The following RTKN2 variants were observed in gnomAD, a reference collection of about 807,000 sequenced individuals.
RTKN2 encodes rhotekin 2.
Under a neutral mutation model 71.5 loss-of-function variants are expected in RTKN2, and 69 were observed. The observed-to-expected ratio is 0.96, with a 90% CI of 0.79 to 1.18. RTKN2 has a LOEUF of 1.18. RTKN2 is among the 50% of genes most tolerant of loss of function. The pLI, the probability that RTKN2 is intolerant of heterozygous loss-of-function variation, is 0.00. For missense variants in RTKN2, 724 were observed against 719.7 expected (o/e 1.01, Z -0.07); for synonymous variants, 236 against 236.5 (o/e 1.00, Z 0.02).
intron 2 of RTKN2, among the ~76,000 whole-genome samples, chr10:62,247,439 A>AT (rs1842499938): frequency 6.6e-6 from 1 of 151,994 alleles, no homozygotes; most frequent in African/African-American, 2.4e-5. Context: ...ATAATGCAGT[A>AT]TATTTAAAGC....
At chr10:62,260,751 C>A (rs532110454) in intron 2 of RTKN2, among the ~76,000 whole-genome samples, 1 of 152,292 alleles carries the variant, frequency 6.6e-6, no homozygotes, top group African/African-American at 2.4e-5. Context: ...ACAGTCAATT[C>A]ATAACTCATT....
chr10:62,247,479 T>C (rs1842500546), intron 2 of RTKN2, among the ~76,000 whole-genome samples: 1 of 152,006 alleles, frequency 6.6e-6, no homozygotes, highest in African/African-American at 2.4e-5. Context: ...ACCTAATTAC[T>C]TTATGGCCAT....
At position 62,231,224 on chromosome 10, in the gene RTKN2, C is replaced by G. The variant is rs111450958; in HGVS notation, c.686+4842G>C. Among the ~76,000 whole-genome samples the G allele has an allele frequency of 2.0e-5, 3 of 152,140 alleles. No homozygotes were observed. In the East Asian group the frequency reaches 5.8e-4, roughly 29 times the overall value. ...ATGCTGAATTTTACCAGTTTTCACA[C>G]GATGATTGCTTAAAATGATGTATAT... On this transcript the variant is annotated intron_variant, in intron 6 of 11. Transcript: ENST00000373789.
Position 62,196,840 on chromosome 10 carries a change from T to C in RTKN2, c.*1068A>G. On this transcript the variant is annotated 3_prime_UTR_variant, in exon 12 of 12. Coordinates refer to ENST00000373789, the MANE Select transcript of RTKN2 (RefSeq NM_145307.4). Reference sequence around the variant, plus strand: ...GGATTTTTTGTTCCTTTAAGGTATTTTTCTGCTATTTATTCCTCACTTGAC... The same window carrying C: ...GGATTTTTTGTTCCTTTAAGGTATTCTTCTGCTATTTATTCCTCACTTGAC... The C allele has an allele frequency of 1.0e-6, 1 of 979,498 alleles. No individual in the cohort carries two copies. The highest frequency in any genetic ancestry group is 1.2e-6 in the Non-Finnish European group (1 of 824,642). 60.7% of individuals were successfully genotyped at this position (979,498 alleles called of 1,614,324 possible). A position where few individuals can be genotyped will look rare whatever the true frequency, so the allele number is the denominator to read the frequency against.
At chr10:62,206,523 G>A (rs1200484740) in intron 9 of RTKN2, among the ~76,000 whole-genome samples, 1 of 151,972 alleles carries the variant, frequency 6.6e-6, no homozygotes, top group Non-Finnish European at 1.5e-5. Flanking sequence ...AAACACCGCA[G>A]GGGAAAAATG....
At chr10:62,201,633 G>C (rs1180939127) in intron 10 of RTKN2, among the ~76,000 whole-genome samples, 2 of 152,146 alleles carry the variant, frequency 1.3e-5, no homozygotes, top group African/African-American at 4.8e-5. Context: ...ACACTTTTCT[G>C]TCACATTCTT....
At position 62,199,833 on chromosome 10, in the gene RTKN2, A is replaced by G. The variant is rs781412513; in HGVS notation, c.1215T>C (p.Leu405=). ...GTGGTGACATAATCTCAATTTTCAT[A>G]AGTTCTTCACAACAGTGCTTCCATT... ...LSQWKHCCEE[L]MKIEIMSPRK... The change falls in exon 11 of 12, where the codon CTT becomes CTC. Residue 405 remains leucine (L), a synonymous_variant. Transcript: ENST00000373789. 6.2e-7 allele frequency: 1 copy of G among 1,613,372 alleles called. No individual in the cohort carries two copies. The highest frequency in any genetic ancestry group is 1.1e-5 in the South Asian group (1 of 91,048).
At chr10:62,268,523 C>G (rs1370900313) in intron 1 of RTKN2, 28 bp downstream of exon 1, 4 of 1,549,482 alleles carry the variant, frequency 2.6e-6, no homozygotes, top group Non-Finnish European at 3.5e-6. Context: ...CCCTCACCTT[C>G]CGCGGCAGGG....
chr10:62,250,031 T>G (rs1029853913), intron 2 of RTKN2, among the ~76,000 whole-genome samples: 2 of 152,174 alleles, frequency 1.3e-5, no homozygotes, highest in Non-Finnish European at 1.5e-5. Context: ...ACCAACAGCA[T>G]AGCTAGAAAA....
At chr10:62,226,077 C>T (rs749871794) in intron 6 of RTKN2, among the ~76,000 whole-genome samples, 3 of 152,056 alleles carry the variant, frequency 2.0e-5, no homozygotes, top group East Asian at 1.9e-4. Context: ...CCACTGCGCC[C>T]GGCAACAACT....
intron 7 of RTKN2, among the ~76,000 whole-genome samples, chr10:62,219,396 A>C (rs1422453749): frequency 6.6e-6 from 1 of 152,162 alleles, no homozygotes; most frequent in Non-Finnish European, 1.5e-5. Context: ...GACAATTAAA[A>C]AGCATGATAA....
At chr10:62,237,200 A>C (rs987291749) in intron 5 of RTKN2, among the ~76,000 whole-genome samples, 1 of 151,982 alleles carries the variant, frequency 6.6e-6, no homozygotes, top group Non-Finnish European at 1.5e-5. Context: ...ATTTATATGT[A>C]TCCTGTAACA....
intron 9 of RTKN2, among the ~76,000 whole-genome samples, chr10:62,210,119 G>A (rs942607555): frequency 6.6e-6 from 1 of 152,108 alleles, no homozygotes; most frequent in Non-Finnish European, 1.5e-5. Context: ...AGACTTAAAA[G>A]ACCTAATCAA....
downstream of RTKN2, among the ~76,000 whole-genome samples, chr10:62,189,540 C>T (rs998762250): frequency 6.6e-6 from 1 of 152,064 alleles, no homozygotes; most frequent in African/African-American, 2.4e-5. Flanking sequence ...TCAATAAATT[C>T]ACCCACCAGG....
In RTKN2 at chr10:62,204,873, C is replaced by T; in HGVS notation, c.1170G>A (p.Gln390=). 6.4e-7 allele frequency: 1 copy of T among 1,565,036 alleles called. No homozygotes were observed. Among genetic ancestry groups the T allele is most frequent in the South Asian group, 1.2e-5 (1 of 80,678 alleles). ...DLQKWMEAFW[Q]HFFDLSQWKH... is the part of the protein sequence containing the mutation. ...TCTATTTACTAAGATCAAAGAAATG[C>T]TGCCAGAAGGCTTCCATCCACTTCT... is the stretch of plus-strand genomic sequence containing the variant. Residue 390 remains glutamine (Q), a synonymous_variant, in exon 10 of 12, where the codon CAG becomes CAA. Coordinates refer to ENST00000373789, the MANE Select transcript of RTKN2 (RefSeq NM_145307.4).
chr10:62,187,261 T>C (rs1483907276), intron 8 of RTKN2, among the ~76,000 whole-genome samples: 2 of 150,506 alleles, frequency 1.3e-5, no homozygotes, highest in African/African-American at 2.5e-5. Flanking sequence ...AGGAACACTT[T>C]TGGCATCACA....
At position 62,198,143 on chromosome 10, in the gene RTKN2, T is replaced by C; in HGVS notation, c.1595A>G (p.Lys532Arg). The change falls in exon 12 of 12, where the codon AAA (lysine) becomes AGA (arginine). Residue 532 changes from lysine to arginine, a missense_variant. Lys to Arg is a conservative substitution (Grantham distance 26, BLOSUM62 2). Transcript: ENST00000373789. The part of the protein sequence containing the change: ...TDQLVKDNWG[K>R]TSVSQTSSLD... Reference sequence around the variant, plus strand: ...AGACGATGTCTGAGATACACTTGTTTTTCCCCAGTTGTCCTTAACCAATTG... The same window carrying C: ...AGACGATGTCTGAGATACACTTGTTCTTCCCCAGTTGTCCTTAACCAATTG... The C allele has an allele frequency of 6.2e-7, 1 of 1,614,192 alleles. No homozygotes were observed. Among genetic ancestry groups the C allele is most frequent in the Non-Finnish European group, 8.5e-7 (1 of 1,180,006 alleles).
In RTKN2 at chr10:62,211,544, G is replaced by A. The variant is rs191272060; in HGVS notation, c.1020+5574C>T. Among the ~76,000 whole-genome samples, 6 of 152,250 alleles carry A rather than the reference G, an allele frequency of 3.9e-5. No homozygotes were observed. In the East Asian group the frequency reaches 9.7e-4, roughly 25 times the overall value. On this transcript the variant is annotated intron_variant, in intron 9 of 11. Transcript: ENST00000373789. Reference sequence around the variant, plus strand: ...TAGCATTAAGGAAAATTATTTTCATGAGAAAAGAAGAAAGACAATCAAAAG... The same window carrying A: ...TAGCATTAAGGAAAATTATTTTCATAAGAAAAGAAGAAAGACAATCAAAAG...
intron 9 of RTKN2, chr10:62,215,166 A>C: frequency 1.1e-6 from 1 of 892,916 alleles, no homozygotes; most frequent in Non-Finnish European, 1.7e-6. Context: ...TATAAGAAAA[A>C]AATTAGTAGG....
Sources: gnomAD v4.1 joint callset for allele counts (sites outside exome capture counted in the v4.1 genomes callset) on GRCh38, gnomAD v4.1.1 for gene constraint, MANE v1.5 for transcripts, NCBI Gene and HGNC (gene_info 2026-07-23, HGNC 2026-07-21) for gene names.